The following CAST variants were observed in gnomAD, a reference collection of about 807,000 sequenced individuals.
The protein encoded by CAST is calpastatin, also known as MIR583 host.
A neutral mutation model predicts 119.6 loss-of-function variants in CAST; 76 were observed. The ratio of observed to expected loss-of-function variants is 0.64; its 90% confidence interval spans 0.53 to 0.77. The LOEUF is 0.77. Ranked by LOEUF, CAST falls within the 30% of genes least tolerant of loss-of-function variation. The probability of loss-of-function intolerance (pLI) is 0.00; values close to 1 mark genes in which losing one functional copy is unlikely to be tolerated. For missense variants in CAST, 953 were observed against 946.5 expected (o/e 1.01, Z -0.09); for synonymous variants, 319 against 331.6 (o/e 0.96, Z 0.41).
At chr5:96,702,792 G>T (rs1382224283) in intron 3 of CAST, 2 of 985,476 alleles carry the variant, frequency 2.0e-6, no homozygotes, top group Non-Finnish European at 2.4e-6. Context: ...GGACCGCCCC[G>T]CCCCGTCGCA....
the CAST span, among the ~76,000 whole-genome samples, chr5:96,151,466 T>C: frequency 6.6e-6 from 1 of 152,102 alleles, no homozygotes; most frequent in Non-Finnish European, 1.5e-5. Context: ...TGAGGCCCCA[T>C]CTCTAAAAAA....
the CAST span, among the ~76,000 whole-genome samples, chr5:95,981,314 C>G: frequency 0.022 from 3,367 of 152,260 alleles, 119 homozygotes; most frequent in African/African-American, 0.077. Context: ...TGGTTGTACA[C>G]CACTGAGCAG....
At chr5:96,588,107 TA>T (rs1267675631) in intron 1 of CAST, among the ~76,000 whole-genome samples, 3 of 152,096 alleles carry the variant, frequency 2.0e-5, no homozygotes, top group South Asian at 2.1e-4. Flanking sequence ...AGGGTGTTAT[TA>T]TTTTTTTCAT....
chr5:96,536,941 T>C (rs1745827034), intron 1 of CAST, among the ~76,000 whole-genome samples: 1 of 152,222 alleles, frequency 6.6e-6, no homozygotes, highest in Non-Finnish European at 1.5e-5. Flanking sequence ...ATAAAAGTTA[T>C]TAAGCCAAGC....
intron 25 of CAST, 186 bp downstream of exon 25, chr5:96,762,558 A>C (rs1581367109): frequency 2.0e-6 from 1 of 500,054 alleles, no homozygotes; most frequent in East Asian, 3.1e-5. Flanking sequence ...GAAATGATTA[A>C]ATGAAACTAT....
At chr5:96,550,403 T>C (rs1580820063) in intron 1 of CAST, among the ~76,000 whole-genome samples, 1 of 152,258 alleles carries the variant, frequency 6.6e-6, no homozygotes, top group East Asian at 1.9e-4. Flanking sequence ...CAAAACCTCA[T>C]ATGTAGGTCA....
chr5:96,536,899 A>T (rs11948144), intron 1 of CAST, among the ~76,000 whole-genome samples: 94,040 of 151,928 alleles, frequency 0.62, 29,414 homozygotes, highest in East Asian at 0.87. Context: ...GATATGGGGC[A>T]GGCATGGGAA....
chr5:96,110,453 T>A, the CAST span, among the ~76,000 whole-genome samples: 1 of 152,166 alleles, frequency 6.6e-6, no homozygotes, highest in Non-Finnish European at 1.5e-5. Context: ...CTCAAACAAA[T>A]GGGCCATTCA....
At chr5:96,766,295 G>C (rs1769931077) in intron 27 of CAST, 150 bp downstream of exon 27, 2 of 555,792 alleles carry the variant, frequency 3.6e-6, no homozygotes, top group African/African-American at 1.9e-5. Context: ...AAGCCGACCA[G>C]CAGGTAAATA....
At chr5:96,384,125 G>A in the CAST span, among the ~76,000 whole-genome samples, 1 of 151,902 alleles carries the variant, frequency 6.6e-6, no homozygotes, top group Non-Finnish European at 1.5e-5. Context: ...AGAAGAGGAG[G>A]TATCTCTTCT....
chr5:96,215,914 T>A, the CAST span, among the ~76,000 whole-genome samples: 3 of 152,152 alleles, frequency 2.0e-5, no homozygotes, highest in Admixed American at 6.5e-5. Context: ...TACAAGTGAT[T>A]CTCATGTCTC....
chr5:96,633,118 C>T (rs1747843688), intron 1 of CAST, among the ~76,000 whole-genome samples: 1 of 151,870 alleles, frequency 6.6e-6, no homozygotes, highest in South Asian at 2.1e-4. Flanking sequence ...ATTACAGGTG[C>T]CCGCCACCAT....
chr5:96,593,192 G>A (rs898459624), intron 1 of CAST, among the ~76,000 whole-genome samples: 5 of 152,196 alleles, frequency 3.3e-5, no homozygotes, highest in South Asian at 4.1e-4. Flanking sequence ...GCCTTGTGCC[G>A]TTGCACCTGC....
chr5:96,025,050 T>G, the CAST span, among the ~76,000 whole-genome samples: 1 of 152,214 alleles, frequency 6.6e-6, no homozygotes, highest in East Asian at 1.9e-4. Flanking sequence ...TGCTTGAACA[T>G]TTGAGTTTGA....
the CAST span, among the ~76,000 whole-genome samples, chr5:96,104,644 A>G: frequency 6.6e-6 from 1 of 151,292 alleles, no homozygotes; most frequent in Admixed American, 6.6e-5. Context: ...GTAGCCTTGT[A>G]GTATAGTTTG....
At chr5:96,018,322 A>G in the CAST span, among the ~76,000 whole-genome samples, 1 of 152,138 alleles carries the variant, frequency 6.6e-6, no homozygotes, top group Non-Finnish European at 1.5e-5. Flanking sequence ...TTTACTCCCA[A>G]ATGCAAATTA....
the CAST span, among the ~76,000 whole-genome samples, chr5:96,231,230 C>T: frequency 6.6e-6 from 1 of 151,970 alleles, no homozygotes; most frequent in Non-Finnish European, 1.5e-5. Flanking sequence ...GGAACAACCG[C>T]AATGTTCATG....
chr5:96,561,786 G>GGTTTTGT (rs1189100090), intron 1 of CAST, among the ~76,000 whole-genome samples: 213 of 105,410 alleles, frequency 2.0e-3, no homozygotes, highest in Middle Eastern at 6.8e-3. Context: ...TTATATATAT[G>GGTTTTGT]TTTTTTTTTG....
chr5:96,274,219 A>C, the CAST span, among the ~76,000 whole-genome samples: 1 of 151,650 alleles, frequency 6.6e-6, no homozygotes, highest in African/African-American at 2.4e-5. Context: ...CTCCTGCCTC[A>C]GCCTCCTGAG....
Sources: gnomAD v4.1 joint callset for allele counts (sites outside exome capture counted in the v4.1 genomes callset) on GRCh38, gnomAD v4.1.1 for gene constraint, MANE v1.5 for transcripts, NCBI Gene and HGNC (gene_info 2026-07-23, HGNC 2026-07-21) for gene names.